CLPB: variants seen among roughly 807,000 people sequenced by gnomAD.
CLPB encodes the protein ClpB family mitochondrial disaggregase.
A neutral mutation model predicts 78.4 loss-of-function variants in CLPB; 40 were observed. The ratio of observed to expected loss-of-function variants is 0.51; its 90% CI spans 0.40 to 0.66. CLPB has a LOEUF of 0.66. Ranked by LOEUF, CLPB falls within the 30% of genes least tolerant of loss-of-function variation. The pLI, the probability that CLPB is intolerant of heterozygous loss-of-function variation, is 0.00. For missense variants in CLPB, 780 were observed against 886.9 expected, an observed-to-expected ratio of 0.88 and a Z score of 1.53; for synonymous variants, 333 against 348.0, an observed-to-expected ratio of 0.96 and a Z score of 0.48.
At position 72,287,882 on chromosome 11, in the gene CLPB, T is replaced by G. The variant is rs1949408707; in HGVS notation, c.*5485A>C. 1 of 152,212 alleles carries G rather than the reference T, an allele frequency of 6.6e-6. No homozygotes were observed. Among genetic ancestry groups the G allele is most frequent in the South Asian group, 2.1e-4 (1 of 4,832 alleles). The allele number at this position is 152,212 out of a possible 1,614,324, so 9.4% of individuals were successfully genotyped here. The stretch of plus-strand genomic sequence containing the variant: ...GCCTAATTTTGTTAATTTTTTTGGC[T>G]CCTTTCCCCTTTTATCAGGCTCAGG... On this transcript the variant is annotated 3_prime_UTR_variant, in exon 16 of 16. Coordinates refer to ENST00000538039, the MANE Select transcript of CLPB (RefSeq NM_001258392.3).
Position 72,420,731 on chromosome 11 carries a change from T to C in CLPB, c.455+9581A>G, listed in dbSNP as rs575571566. On this transcript the variant is annotated intron_variant, in intron 2 of 15. Coordinates refer to ENST00000538039, the MANE Select transcript of CLPB (RefSeq NM_001258392.3). ...TGTTGTAGGAGTTATTAAGAAACTA[T>C]TTCAGGCAGATAAGAGAGGGAGAGG... is the stretch of plus-strand genomic sequence containing the variant. Among the ~76,000 whole-genome samples, 143 of 152,306 alleles carry C rather than the reference T, an allele frequency of 9.4e-4. 1 individual carries two copies. The highest frequency in any genetic ancestry group is 1.9e-4 in the Non-Finnish European group (13 of 68,026).
intron 5 of CLPB, chr11:72,354,277 G>A (rs990491672): frequency 1.5e-4 from 58 of 375,038 alleles, no homozygotes; most frequent in Middle Eastern, 1.3e-3. Context: ...GTGTGTGTGT[G>A]TATATATATA....
intron 15 of CLPB, among the ~76,000 whole-genome samples, 163 bp from the exon 16 acceptor site, chr11:72,293,778 C>T (rs1386813894): frequency 6.6e-6 from 1 of 152,226 alleles, no homozygotes; most frequent in Non-Finnish European, 1.5e-5. Context: ...CGCAGGACTG[C>T]GCTCAAGTTT....
chr11:72,371,529 T>A (rs1332417730), intron 4 of CLPB, among the ~76,000 whole-genome samples: 1 of 131,760 alleles, frequency 7.6e-6, no homozygotes, highest in Non-Finnish European at 1.6e-5. Flanking sequence ...CAAGACTCTG[T>A]CTCAAAAATA....
intron 4 of CLPB, among the ~76,000 whole-genome samples, chr11:72,373,669 G>C (rs1362137602): frequency 1.3e-5 from 2 of 152,040 alleles, no homozygotes; most frequent in African/African-American, 4.8e-5. Flanking sequence ...TATCACATTG[G>C]GTGCAGTGGC....
intron 11 of CLPB, among the ~76,000 whole-genome samples, chr11:72,301,468 C>T (rs764191824): frequency 6.6e-6 from 1 of 152,196 alleles, no homozygotes; most frequent in Non-Finnish European, 1.5e-5. Context: ...TGGGCAGTGA[C>T]TTGCCAAGGC....
chr11:72,370,592 T>C (rs1951023983), intron 4 of CLPB, among the ~76,000 whole-genome samples: 1 of 152,140 alleles, frequency 6.6e-6, no homozygotes, highest in African/African-American at 2.4e-5. Flanking sequence ...TCCCAAGCCT[T>C]TGGACAAGCC....
chr11:72,390,676 G>A (rs1855228213), intron 3 of CLPB, among the ~76,000 whole-genome samples: 1 of 152,222 alleles, frequency 6.6e-6, no homozygotes, highest in Non-Finnish European at 1.5e-5. Flanking sequence ...AATGGCAAGT[G>A]TTGGTGAAGA....
chr11:72,342,606 C>T (rs549124694), intron 5 of CLPB, among the ~76,000 whole-genome samples: 76 of 152,294 alleles, frequency 5.0e-4, no homozygotes, highest in African/African-American at 1.7e-3. Context: ...CAGAGAGCAG[C>T]TAGGAGCAAC....
At chr11:72,421,990 G>A (rs1483190485) in intron 2 of CLPB, among the ~76,000 whole-genome samples, 6 of 152,178 alleles carry the variant, frequency 3.9e-5, no homozygotes, top group East Asian at 1.9e-4. Flanking sequence ...GAAACTGGCC[G>A]GGCGTGGTGG....
At chr11:72,393,721 C>T (rs1449177428) in intron 3 of CLPB, among the ~76,000 whole-genome samples, 1 of 152,182 alleles carries the variant, frequency 6.6e-6, no homozygotes, top group African/African-American at 2.4e-5. Context: ...GCACAGCAGA[C>T]AACATATTGG....
rs1949452625 is a variant in CLPB, at chr11:72,291,550, TG to T, written c.*1816del. On this transcript the variant is annotated 3_prime_UTR_variant, in exon 16 of 16. Transcript: ENST00000538039. ...CTCGAACTCCTGACCTCAGGTAATCTGCCTGCCTCAGCCTCCCAAAGTGCTG... is the reference window on the plus strand; with the variant it reads ...CTCGAACTCCTGACCTCAGGTAATCTCCTGCCTCAGCCTCCCAAAGTGCTG... 2 of 151,692 alleles carry T rather than the reference TG, an allele frequency of 1.3e-5. No homozygotes were observed. Among genetic ancestry groups the T allele is most frequent in the Non-Finnish European group, 2.9e-5 (2 of 67,974 alleles). The allele number at this position is 151,692 out of a possible 1,614,324, so 9.4% of individuals were successfully genotyped here.
At chr11:72,356,805 A>C (rs1950725363) in intron 5 of CLPB, 1 of 152,142 alleles carries the variant, frequency 6.6e-6, no homozygotes, top group African/African-American at 2.4e-5. Flanking sequence ...GGCTAGGAAG[A>C]GGGGCTCCTT....
intron 11 of CLPB, 50 bp from the exon 12 acceptor site, chr11:72,295,698 C>A (rs775625894): frequency 2.3e-5 from 37 of 1,585,214 alleles, no homozygotes; most frequent in Non-Finnish European, 3.2e-5. Context: ...TGTGCCTGGG[C>A]AGGCCTTAGC....
intron 4 of CLPB, among the ~76,000 whole-genome samples, chr11:72,375,347 A>T (rs1383302408): frequency 6.6e-6 from 1 of 152,188 alleles, no homozygotes; most frequent in African/African-American, 2.4e-5. Context: ...GAACTGCCTT[A>T]CAAGGTCCTT....
intron 9 of CLPB, among the ~76,000 whole-genome samples, chr11:72,304,744 T>C (rs1192474510): frequency 6.6e-6 from 1 of 152,210 alleles, no homozygotes; most frequent in African/African-American, 2.4e-5. Flanking sequence ...GAGCCAGAAC[T>C]AGAATTCACA....
At chr11:72,302,150 T>G (rs899614843) in intron 10 of CLPB, 154 bp downstream of exon 10, 2 of 973,662 alleles carry the variant, frequency 2.1e-6, no homozygotes, top group Non-Finnish European at 3.1e-6. Flanking sequence ...GCAAATCCTA[T>G]GTGAAACAAA....
At chr11:72,367,052 A>G (rs1950956354) in intron 4 of CLPB, among the ~76,000 whole-genome samples, 1 of 152,238 alleles carries the variant, frequency 6.6e-6, no homozygotes, top group South Asian at 2.1e-4. Flanking sequence ...CTACACAGCC[A>G]TAAAAAAGAA....
At chr11:72,354,021 T>A (rs1244618883) in intron 5 of CLPB, among the ~76,000 whole-genome samples, 1 of 152,152 alleles carries the variant, frequency 6.6e-6, no homozygotes, top group Non-Finnish European at 1.5e-5. Context: ...GAAGTACATA[T>A]GTCCTAATCC....
Sources: gnomAD v4.1 joint callset for allele counts (sites outside exome capture counted in the v4.1 genomes callset) on GRCh38, gnomAD v4.1.1 for gene constraint, MANE v1.5 for transcripts, NCBI Gene and HGNC (gene_info 2026-07-23, HGNC 2026-07-21) for gene names.